The following PTPRQ variants were observed in gnomAD, a reference collection of about 807,000 sequenced individuals.
The protein encoded by PTPRQ is protein tyrosine phosphatase receptor type Q.
Under a neutral mutation model 246.0 loss-of-function variants are expected in PTPRQ, and 199 were observed. The observed-to-expected ratio is 0.81, with a 90% CI of 0.72 to 0.91. The LOEUF (loss-of-function observed/expected upper bound fraction) is 0.91. PTPRQ is among the 40% of genes least tolerant of loss of function. The pLI is 0.00. For synonymous variants in PTPRQ, 869 were observed against 853.2 expected, an observed-to-expected ratio of 1.02 and a Z score of -0.32; for missense variants, 2,624 against 2,528.4, an observed-to-expected ratio of 1.04 and a Z score of -0.81.
chr12:80,653,503 T>C (rs1359213507), intron 38 of PTPRQ, among the ~76,000 whole-genome samples: 1 of 152,180 alleles, frequency 6.6e-6, no homozygotes, highest in African/African-American at 2.4e-5. Flanking sequence ...TTTTACACTA[T>C]GAAATTAAAA....
intron 30 of PTPRQ, among the ~76,000 whole-genome samples, chr12:80,617,697 A>G (rs1379285253): frequency 6.6e-6 from 1 of 151,402 alleles, no homozygotes; most frequent in Non-Finnish European, 1.5e-5. Flanking sequence ...GAGAAGATAT[A>G]TGAACAATGT....
chr12:80,517,802 G>C (rs1895350683), intron 17 of PTPRQ, among the ~76,000 whole-genome samples: 1 of 152,038 alleles, frequency 6.6e-6, no homozygotes, highest in Non-Finnish European at 1.5e-5. Context: ...CAATGACCAT[G>C]ATGGCATCTC....
chr12:80,471,546 C>T (rs951736685), intron 7 of PTPRQ, among the ~76,000 whole-genome samples: 9 of 36,488 alleles, frequency 2.5e-4, no homozygotes, highest in Non-Finnish European at 4.0e-4. Context: ...GGCGGGATCT[C>T]GGCTCACTGC....
chr12:80,548,230 A>T (rs1336398955), intron 24 of PTPRQ, among the ~76,000 whole-genome samples: 1 of 152,036 alleles, frequency 6.6e-6, no homozygotes, highest in Admixed American at 6.5e-5. Context: ...TAAGTGTTTT[A>T]ATATCAATGG....
intron 37 of PTPRQ, 30 bp downstream of exon 37, chr12:80,649,699 C>A: frequency 1.3e-6 from 2 of 1,534,002 alleles, no homozygotes; most frequent in African/African-American, 1.4e-5. Flanking sequence ...CACAACATTG[C>A]AAGACCTCCA....
In PTPRQ at chr12:80,444,324, C is replaced by G; in HGVS notation, c.-22C>G. 2 of 1,297,650 alleles carry G rather than the reference C, an allele frequency of 1.5e-6. No homozygotes were observed. The highest frequency in any genetic ancestry group is 2.2e-6 in the Non-Finnish European group (2 of 919,300). 80.4% of individuals were successfully genotyped at this position (1,297,650 alleles called of 1,614,324 possible). Reference sequence around the variant, plus strand: ...CTCTAGAGCCATCAATGTGATTCTACTGGCTGAAAAATGTAATAAAGATGG... The same window carrying G: ...CTCTAGAGCCATCAATGTGATTCTAGTGGCTGAAAAATGTAATAAAGATGG... On this transcript the variant is annotated 5_prime_UTR_variant, in exon 1 of 45. Transcript: ENST00000644991.
At chr12:80,573,932 C>A (rs1459519174) in intron 25 of PTPRQ, among the ~76,000 whole-genome samples, 1 of 152,058 alleles carries the variant, frequency 6.6e-6, no homozygotes, top group Non-Finnish European at 1.5e-5. Flanking sequence ...TAGTGTTTTG[C>A]AAAATGTCTG....
intron 25 of PTPRQ, among the ~76,000 whole-genome samples, chr12:80,571,869 A>G (rs906451183): frequency 6.6e-6 from 1 of 152,114 alleles, no homozygotes; most frequent in African/African-American, 2.4e-5. Context: ...ATTTTATTCC[A>G]TTGATTTATT....
intron 35 of PTPRQ, among the ~76,000 whole-genome samples, chr12:80,645,106 G>GA (rs1473856839): frequency 6.6e-6 from 1 of 152,000 alleles, no homozygotes; most frequent in Non-Finnish European, 1.5e-5. Flanking sequence ...ATTGGATTTA[G>GA]ATAAAAAAGA....
chr12:80,576,671 A>G (rs1304130780), intron 25 of PTPRQ, among the ~76,000 whole-genome samples: 1 of 150,422 alleles, frequency 6.6e-6, no homozygotes, highest in Admixed American at 6.6e-5. Flanking sequence ...TTCCTATTCT[A>G]CTTCACTGTA....
At chr12:80,604,087 A>C (rs570044366) in intron 26 of PTPRQ, among the ~76,000 whole-genome samples, 2 of 151,690 alleles carry the variant, frequency 1.3e-5, no homozygotes, top group South Asian at 4.2e-4. Context: ...TATTTGAGGA[A>C]AGGAATATTT....
intron 17 of PTPRQ, among the ~76,000 whole-genome samples, chr12:80,527,280 C>T (rs1171630861): frequency 6.6e-6 from 1 of 151,800 alleles, no homozygotes; most frequent in Non-Finnish European, 1.5e-5. Flanking sequence ...AATTGTTAAC[C>T]TTGTATTCAT....
chr12:80,457,612 G>C lies in PTPRQ; in HGVS notation c.428G>C (p.Ser143Thr), dbSNP rs1893020128. The C allele has an allele frequency of 5.0e-6, 2 of 400,226 alleles. No homozygotes were observed. Among genetic ancestry groups the C allele is most frequent in the Non-Finnish European group, 8.9e-6 (2 of 225,906 alleles). The allele number at this position is 400,226 out of a possible 1,614,324, so 24.8% of individuals were successfully genotyped here. A position where few individuals can be genotyped will look rare whatever the true frequency, so the allele number is the denominator to read the frequency against. Reference sequence around the variant, plus strand: ...AACAGTGCTGGCATTGGAGTGTTTAGTGATCCATTTCTCTTCCAAACTGCA... The same window carrying C: ...AACAGTGCTGGCATTGGAGTGTTTACTGATCCATTTCTCTTCCAAACTGCA... ...AENSAGIGVF[S>T]DPFLFQTAES... is the part of the protein sequence containing the mutation. Residue 143 changes from serine to threonine, a missense_variant, in exon 4 of 45, where the codon AGT (serine) becomes ACT (threonine). By Grantham distance (58) the Ser-to-Thr change is moderately conservative. Coordinates refer to ENST00000644991, the MANE Select transcript of PTPRQ (RefSeq NM_001145026.2).
chr12:80,545,347 T>A (rs1361594554), intron 23 of PTPRQ, among the ~76,000 whole-genome samples: 1 of 152,132 alleles, frequency 6.6e-6, no homozygotes, highest in East Asian at 1.9e-4. Context: ...GAGATTATTT[T>A]AAAATAGGAT....
chr12:80,659,148 T>C (rs1264503189), intron 39 of PTPRQ, among the ~76,000 whole-genome samples: 1 of 152,066 alleles, frequency 6.6e-6, no homozygotes, highest in Non-Finnish European at 1.5e-5. Flanking sequence ...AAGGTATTCT[T>C]TAAATTTCAT....
chr12:80,520,762 G>A (rs1895455562), intron 17 of PTPRQ, among the ~76,000 whole-genome samples: 1 of 151,812 alleles, frequency 6.6e-6, no homozygotes, highest in Non-Finnish European at 1.5e-5. Context: ...GTCTATCATT[G>A]TTGGACATTT....
At chr12:80,662,107 G>GAATT (rs1900652117) in intron 39 of PTPRQ, among the ~76,000 whole-genome samples, 1 of 151,860 alleles carries the variant, frequency 6.6e-6, no homozygotes, top group African/African-American at 2.4e-5. Context: ...CTTAATGCTA[G>GAATT]AATTATTGAG....
At chr12:80,572,867 G>A (rs1370192527) in intron 25 of PTPRQ, among the ~76,000 whole-genome samples, 6 of 152,128 alleles carry the variant, frequency 3.9e-5, no homozygotes, top group African/African-American at 1.4e-4. Context: ...TTGATCAGAT[G>A]TGTTATTCTA....
intron 35 of PTPRQ, among the ~76,000 whole-genome samples, chr12:80,647,139 A>C (rs1372111076): frequency 6.6e-6 from 1 of 152,220 alleles, no homozygotes; most frequent in Admixed American, 6.5e-5. Flanking sequence ...TCCTCTAGGA[A>C]AAAGGAATCT....
Sources: allele counts gnomAD v4.1 joint callset (sites outside exome capture counted in the v4.1 genomes callset), GRCh38; gene constraint gnomAD v4.1.1; transcripts MANE v1.5; gene names NCBI Gene and HGNC (gene_info 2026-07-23, HGNC 2026-07-21).